The following MSRA variants were observed in gnomAD, a reference collection of about 807,000 sequenced individuals.
MSRA encodes methionine sulfoxide reductase A.
In MSRA, 54 loss-of-function variants were observed where a neutral mutation model predicts 31.3. That is an observed-to-expected ratio of 1.73 (90% CI 1.39 to 2.17). The LOEUF is 2.17. MSRA is among the 30% of genes most tolerant of loss of function. The pLI, the probability that MSRA is intolerant of heterozygous loss-of-function variation, is 0.00. For missense variants in MSRA, 507 were observed against 300.9 expected, an observed-to-expected ratio of 1.69 and a Z score of -5.07; for synonymous variants, 169 against 116.5, an observed-to-expected ratio of 1.45 and a Z score of -2.90.
At chr8:10,179,200 G>C (rs1806325508) in intron 1 of MSRA, among the ~76,000 whole-genome samples, 2 of 152,122 alleles carry the variant, frequency 1.3e-5, no homozygotes, top group African/African-American at 2.4e-5. Context: ...AATGTGATAA[G>C]ACAGAATCAT....
chr8:10,120,595 C>T (rs1464460716), intron 1 of MSRA, among the ~76,000 whole-genome samples: 1 of 152,194 alleles, frequency 6.6e-6, no homozygotes, highest in Non-Finnish European at 1.5e-5. Context: ...TGCTGAACAT[C>T]AAGAATTTCT....
At chr8:10,380,942 G>C (rs1216011936) in intron 5 of MSRA, among the ~76,000 whole-genome samples, 2 of 151,902 alleles carry the variant, frequency 1.3e-5, no homozygotes, top group Admixed American at 1.3e-4. Flanking sequence ...GGTGGTGGGA[G>C]GGAGGCATGG....
At chr8:10,316,548 C>CTG (rs1442651793) in intron 4 of MSRA, among the ~76,000 whole-genome samples, 2 of 107,776 alleles carry the variant, frequency 1.9e-5, no homozygotes, top group Non-Finnish European at 4.0e-5. Context: ...CTCTCTCTCT[C>CTG]TCTCTCTCTC....
chr8:10,403,885 G>T (rs1807625293), intron 5 of MSRA, among the ~76,000 whole-genome samples: 1 of 152,180 alleles, frequency 6.6e-6, no homozygotes, highest in African/African-American at 2.4e-5. Context: ...ACAGGGATGA[G>T]ACCGCACCAC....
intron 5 of MSRA, among the ~76,000 whole-genome samples, chr8:10,412,272 T>G (rs917623744): frequency 5.9e-5 from 9 of 152,240 alleles, no homozygotes; most frequent in African/African-American, 1.7e-4. Context: ...TTAATCCAAA[T>G]TTGAACCACG....
At chr8:10,322,290 G>T (rs551411819) in intron 5 of MSRA, among the ~76,000 whole-genome samples, 10 of 151,298 alleles carry the variant, frequency 6.6e-5, no homozygotes, top group Non-Finnish European at 1.5e-4. Flanking sequence ...AGAGAAGTAA[G>T]ACTGGATGCA....
chr8:10,118,056 A>C (rs916630759), intron 1 of MSRA, among the ~76,000 whole-genome samples: 79 of 152,344 alleles, frequency 5.2e-4, no homozygotes, highest in Non-Finnish European at 1.3e-4. Context: ...ATAGGATTTC[A>C]CTGTAAGGTT....
chr8:10,255,985 A>G (rs567788185), intron 3 of MSRA, among the ~76,000 whole-genome samples: 30 of 152,162 alleles, frequency 2.0e-4, no homozygotes, highest in African/African-American at 7.0e-4. Flanking sequence ...CAGGAACCAC[A>G]CTGACACGTC....
At chr8:10,278,914 T>G (rs958304477) in intron 3 of MSRA, among the ~76,000 whole-genome samples, 1 of 152,234 alleles carries the variant, frequency 6.6e-6, no homozygotes, top group African/African-American at 2.4e-5. Context: ...ACTGGCACCA[T>G]GTAGGTGGTA....
chr8:10,130,837 T>G (rs1331779978), intron 1 of MSRA, among the ~76,000 whole-genome samples: 1 of 152,130 alleles, frequency 6.6e-6, no homozygotes, highest in Non-Finnish European at 1.5e-5. Context: ...CTTTGAGCCT[T>G]TGAGGGCACA....
chr8:10,225,808 A>C (rs1180818800), intron 2 of MSRA, among the ~76,000 whole-genome samples: 1 of 152,164 alleles, frequency 6.6e-6, no homozygotes, highest in Non-Finnish European at 1.5e-5. Flanking sequence ...AGGTGAAGGG[A>C]ACTAGTGTTT....
chr8:10,267,171 G>C (rs1798790063), intron 3 of MSRA, among the ~76,000 whole-genome samples: 1 of 152,218 alleles, frequency 6.6e-6, no homozygotes, highest in Admixed American at 6.5e-5. Flanking sequence ...CCCGGTTGTA[G>C]TAATTATGGT....
At chr8:10,363,570 C>T (rs1418952802) in intron 5 of MSRA, among the ~76,000 whole-genome samples, 1 of 152,148 alleles carries the variant, frequency 6.6e-6, no homozygotes, top group Non-Finnish European at 1.5e-5. Context: ...GCCTGTAAAG[C>T]TCTTTAGGGC....
intron 2 of MSRA, among the ~76,000 whole-genome samples, chr8:10,228,353 G>C (rs1485420710): frequency 1.3e-5 from 2 of 152,204 alleles, no homozygotes; most frequent in African/African-American, 2.4e-5. Flanking sequence ...TGCTGTTTCT[G>C]TGCCCCTGAC....
chr8:10,335,666 G>T (rs1802995741), intron 5 of MSRA, among the ~76,000 whole-genome samples: 1 of 152,112 alleles, frequency 6.6e-6, no homozygotes, highest in Non-Finnish European at 1.5e-5. Context: ...TGGCGACTTG[G>T]GTTCCCTGCT....
chr8:10,303,956 G>A (rs944427453), intron 4 of MSRA, among the ~76,000 whole-genome samples: 2 of 151,862 alleles, frequency 1.3e-5, no homozygotes, highest in African/African-American at 4.8e-5. Flanking sequence ...ATTTTTTTGA[G>A]ACTGAGTCTT....
intron 3 of MSRA, among the ~76,000 whole-genome samples, chr8:10,254,589 G>C (rs1798082158): frequency 1.3e-5 from 2 of 152,148 alleles, no homozygotes; most frequent in South Asian, 4.1e-4. Context: ...CCATGAGATA[G>C]AGCAGCATCA....
chr8:10,324,057 G>A (rs928478895), intron 5 of MSRA, among the ~76,000 whole-genome samples: 5 of 152,142 alleles, frequency 3.3e-5, no homozygotes, highest in African/African-American at 7.2e-5. Context: ...GAAACCCAGA[G>A]TTTCAGACTA....
chr8:10,309,342 C>T (rs559482027), intron 4 of MSRA, among the ~76,000 whole-genome samples: 81 of 152,364 alleles, frequency 5.3e-4, no homozygotes, highest in African/African-American at 1.9e-3. Flanking sequence ...GAGCGTGGCG[C>T]CTGGTGCGGA....
Sources: gnomAD v4.1 joint callset for allele counts (sites outside exome capture counted in the v4.1 genomes callset) on GRCh38, gnomAD v4.1.1 for gene constraint, MANE v1.5 for transcripts, NCBI Gene and HGNC (gene_info 2026-07-23, HGNC 2026-07-21) for gene names.